BIRC6: variants seen among roughly 807,000 people sequenced by gnomAD.
BIRC6 encodes the protein dual E2 ubiquitin-conjugating enzyme/E3 ubiquitin-protein ligase BIRC6.
In BIRC6, 98 loss-of-function variants were observed where a neutral mutation model predicts 503.3. The observed-to-expected ratio is 0.19, with a 90% CI of 0.17 to 0.23. The LOEUF (loss-of-function observed/expected upper bound fraction) is 0.23. BIRC6 is among the 10% of genes least tolerant of loss of function. The pLI is 1.00. For synonymous variants in BIRC6, 2,240 were observed against 2,078.7 expected, an observed-to-expected ratio of 1.08 and a Z score of -2.11; for missense variants, 5,360 against 5,806.0, an observed-to-expected ratio of 0.92 and a Z score of 2.50.
At position 32,597,858 on chromosome 2, in the gene BIRC6, A is replaced by G. The variant is rs2151467858; in HGVS notation, c.13720A>G (p.Arg4574Gly). Residue 4574 changes from arginine to glycine, a missense_variant, in exon 69 of 74, where the codon AGA becomes GGA. By Grantham distance (125) the Arg-to-Gly change is moderately radical. Around this residue, in one of 16 missense-constraint regions of BIRC6, gnomAD observed 477 missense variants for 574.4 expected, o/e 0.83. Transcript: ENST00000421745. ...TGCTAATGATGCGAACAGTGCTGCC[A>G]GAGCTCGCCGCCTTGCCCAGGAAGC... ...KNANDANSAA[R>G]ARRLAQEAVT... The G allele has an allele frequency of 1.2e-6, 2 of 1,613,904 alleles. No individual in the cohort carries two copies. The highest frequency in any genetic ancestry group is 1.7e-6 in the Non-Finnish European group (2 of 1,179,810).
At chr2:32,448,454 G>C (rs1322699118) in intron 21 of BIRC6, among the ~76,000 whole-genome samples, 1 of 151,668 alleles carries the variant, frequency 6.6e-6, no homozygotes, top group African/African-American at 2.4e-5. Context: ...CTGGAGACCA[G>C]CCCGGCCAAC....
intron 65 of BIRC6, among the ~76,000 whole-genome samples, chr2:32,560,216 C>A (rs1167950981): frequency 1.3e-5 from 2 of 152,050 alleles, no homozygotes; most frequent in Non-Finnish European, 2.9e-5. Context: ...AATTTGATAT[C>A]TTGAGATATT....
chr2:32,603,181 A>G (rs990761212), intron 71 of BIRC6, 98 bp downstream of exon 71: 20 of 821,724 alleles, frequency 2.4e-5, no homozygotes, highest in African/African-American at 3.5e-5. Context: ...AGTAAACCTA[A>G]AAAAAGATAG....
At position 32,508,904 on chromosome 2, in the gene BIRC6, G is replaced by A. The variant is rs141086398; in HGVS notation, c.9980+645G>A. On this transcript the variant is annotated intron_variant, in intron 51 of 73. Transcript: ENST00000421745. ...TCGAAACCATCCTAGCTAACAGGGC[G>A]AAACCCCATCACTACTAAAAATACA... is the stretch of plus-strand genomic sequence containing the variant. Among the ~76,000 whole-genome samples, 253 of 152,064 alleles carry A rather than the reference G, an allele frequency of 1.7e-3. 1 individual carries two copies. The highest frequency in any genetic ancestry group is 5.6e-3 in the African/African-American group (233 of 41,480).
At chr2:32,404,588 A>G (rs2040983546) in intron 8 of BIRC6, among the ~76,000 whole-genome samples, 3 of 152,154 alleles carry the variant, frequency 2.0e-5, no homozygotes, top group African/African-American at 7.2e-5. Flanking sequence ...TGCTGGGATT[A>G]TAGGTGTGAG....
At chr2:32,362,256 T>C (rs1384312635) in intron 1 of BIRC6, among the ~76,000 whole-genome samples, 1 of 152,132 alleles carries the variant, frequency 6.6e-6, no homozygotes, top group East Asian at 1.9e-4. Flanking sequence ...CCTAATGACA[T>C]GATGTTGAGC....
chr2:32,386,645 G>T (rs1320362667), intron 3 of BIRC6, among the ~76,000 whole-genome samples: 1 of 151,954 alleles, frequency 6.6e-6, no homozygotes, highest in Non-Finnish European at 1.5e-5. Context: ...TTGCTATGTT[G>T]ACCAGGATGG....
rs73922721 is a variant in BIRC6, at chr2:32,359,703, A to G, written c.325+2217A>G. ...TGGATGCATTCTGAAACATTTTCAT[A>G]TATGAGAAGTGAAATTTATTATTAT... On this transcript the variant is annotated intron_variant, in intron 1 of 73. Coordinates refer to ENST00000421745, the MANE Select transcript of BIRC6 (RefSeq NM_016252.4). 7.1e-3 allele frequency among the ~76,000 whole-genome samples: 1,085 copies of G among 152,322 alleles called. 11 individuals carry two copies. Among genetic ancestry groups the G allele is most frequent in the African/African-American group, 0.025 (1,024 of 41,568 alleles).
chr2:32,531,290 A>T, intron 60 of BIRC6, 65 bp from the exon 61 acceptor site: 1 of 1,362,632 alleles, frequency 7.3e-7, no homozygotes, highest in South Asian at 1.5e-5. Context: ...GCTTTTGTAA[A>T]TGAAAGAATA....
At chr2:32,468,393 A>G (rs1477766611) in intron 28 of BIRC6, 44 bp from the exon 29 acceptor site, 2 of 1,411,680 alleles carry the variant, frequency 1.4e-6, no homozygotes, top group African/African-American at 1.4e-5. Flanking sequence ...GTACATAAAG[A>G]GGACATTACA....
At chr2:32,526,173 G>A (rs1430598868) in intron 59 of BIRC6, among the ~76,000 whole-genome samples, 1 of 152,140 alleles carries the variant, frequency 6.6e-6, no homozygotes, top group African/African-American at 2.4e-5. Flanking sequence ...GACGGTTACA[G>A]TCTAAACACA....
At chr2:32,369,942 AAAAATATAT>A (rs1471379593) in intron 1 of BIRC6, among the ~76,000 whole-genome samples, 189 of 34,080 alleles carry the variant, frequency 5.5e-3, no homozygotes, top group African/African-American at 0.014. Context: ...AAAAAAAAAA[AAAAATATAT>A]ATATATATAT....
At chr2:32,435,187 C>T (rs571806684) in intron 13 of BIRC6, among the ~76,000 whole-genome samples, 2 of 152,272 alleles carry the variant, frequency 1.3e-5, no homozygotes, top group Non-Finnish European at 2.9e-5. Flanking sequence ...AGTTTCAAAG[C>T]TCTGCAAGTG....
chr2:32,474,010 C>T (rs1434289048), intron 33 of BIRC6, among the ~76,000 whole-genome samples: 1 of 151,908 alleles, frequency 6.6e-6, no homozygotes, highest in African/African-American at 2.4e-5. Context: ...TCTACTTTGG[C>T]CTCCCAAAGT....
At chr2:32,395,148 G>T (rs1013290585) in intron 5 of BIRC6, among the ~76,000 whole-genome samples, 5 of 152,096 alleles carry the variant, frequency 3.3e-5, no homozygotes, top group Non-Finnish European at 7.4e-5. Flanking sequence ...GCGAGACTCA[G>T]TCTCAAAAAC....
At chr2:32,374,058 T>C (rs1009924489) in intron 1 of BIRC6, among the ~76,000 whole-genome samples, 2 of 152,216 alleles carry the variant, frequency 1.3e-5, no homozygotes, top group Non-Finnish European at 2.9e-5. Context: ...GGAGAGGGGA[T>C]AAAAGTCAGT....
At chr2:32,615,950 C>T (rs1038340414) in intron 73 of BIRC6, among the ~76,000 whole-genome samples, 4 of 152,052 alleles carry the variant, frequency 2.6e-5, no homozygotes, top group African/African-American at 4.8e-5. Flanking sequence ...TTTTAAAAGC[C>T]TTTGGTGTGA....
At chr2:32,532,814 A>G (rs1461094215) in intron 61 of BIRC6, among the ~76,000 whole-genome samples, 2 of 152,190 alleles carry the variant, frequency 1.3e-5, no homozygotes, top group Non-Finnish European at 2.9e-5. Context: ...TTTCAGCATT[A>G]TTATTGCTCA....
At chr2:32,359,792 C>T (rs2033754432) in intron 1 of BIRC6, among the ~76,000 whole-genome samples, 1 of 152,122 alleles carries the variant, frequency 6.6e-6, no homozygotes, top group South Asian at 2.1e-4. Context: ...TGGTCTTGAA[C>T]TTCCGGCCTC....
Sources: allele counts gnomAD v4.1 joint callset (sites outside exome capture counted in the v4.1 genomes callset), GRCh38; gene constraint gnomAD v4.1.1; regional missense constraint gnomAD v4.1.1; transcripts MANE v1.5; gene names NCBI Gene and HGNC (gene_info 2026-07-23, HGNC 2026-07-21).